The following TUBGCP3 variants were observed in gnomAD, a reference collection of about 807,000 sequenced individuals.
TUBGCP3 encodes tubulin gamma complex component 3.
A neutral mutation model predicts 123.1 loss-of-function variants in TUBGCP3; 50 were observed. That is an observed-to-expected ratio of 0.41 (90% CI 0.32 to 0.51). TUBGCP3 has a LOEUF of 0.51. TUBGCP3 is among the 20% of genes least tolerant of loss of function. The probability of loss-of-function intolerance (pLI) is 0.36; values close to 1 mark genes in which losing one functional copy is unlikely to be tolerated. For synonymous variants in TUBGCP3, 405 were observed against 413.9 expected (o/e 0.98, Z 0.26); for missense variants, 882 against 1,127.0 (o/e 0.78, Z 3.11).
At chr13:112,578,558 C>CAA (rs71131496) in intron 1 of TUBGCP3, among the ~76,000 whole-genome samples, 718 of 24,860 alleles carry the variant, frequency 0.029, 131 homozygotes, top group Middle Eastern at 0.091. Flanking sequence ...GACTCCGTCT[C>CAA]AAAAAAAAAA....
upstream of TUBGCP3, among the ~76,000 whole-genome samples, chr13:112,591,857 C>T (rs1184874907): frequency 6.6e-6 from 1 of 152,236 alleles, no homozygotes; most frequent in Non-Finnish European, 1.5e-5. Flanking sequence ...ATAACACAAA[C>T]TTGGGATGGT....
At chr13:112,602,212 A>G in the TUBGCP3 span, among the ~76,000 whole-genome samples, 1 of 151,948 alleles carries the variant, frequency 6.6e-6, no homozygotes. Flanking sequence ...ATTTTAATAC[A>G]CTCTCCAGTG....
In TUBGCP3 at chr13:112,527,175, T is replaced by G. The variant is rs1877204357; in HGVS notation, c.1447-125A>C. 4.6e-6 allele frequency: 4 copies of G among 860,608 alleles called. No individual in the cohort carries two copies. The Admixed American group carries it at 9.6e-5, about 21-fold the overall frequency. The allele number at this position is 860,608 out of a possible 1,614,324, so 53.3% of individuals were successfully genotyped here. A position where few individuals can be genotyped will look rare whatever the true frequency, so the allele number is the denominator to read the frequency against. The stretch of plus-strand genomic sequence containing the variant: ...ACTAACAAGAGCATCTGCTACAGTA[T>G]GGAGCGAATTCTAGTAACTCAAAGA... On this transcript the variant is annotated intron_variant, in intron 12 of 21. Transcript: ENST00000261965.
rs144456959 is a variant in TUBGCP3, at chr13:112,513,019, G to A, written c.2086+3421C>T. On this transcript the variant is annotated intron_variant, in intron 17 of 21. Transcript: ENST00000261965. ...TTTTCCCTCAAGAACATAAGAGATC[G>A]ATTTTATTTCTAATAAAGACCAAAA... Among the ~76,000 whole-genome samples, 69 of 152,140 alleles carry A rather than the reference G, an allele frequency of 4.5e-4. 1 individual carries two copies. The East Asian group carries it at 0.012, about 27-fold the overall frequency.
At chr13:112,575,356 G>A (rs1337263307) in intron 1 of TUBGCP3, among the ~76,000 whole-genome samples, 3 of 152,140 alleles carry the variant, frequency 2.0e-5, no homozygotes, top group Admixed American at 6.5e-5. Context: ...AATTAACAAG[G>A]ATAAAGTAGG....
Position 112,519,856 on chromosome 13 carries a change from C to T in TUBGCP3, c.1881+30G>A, listed in dbSNP as rs372981247. The stretch of plus-strand genomic sequence containing the variant: ...GCCCAGTGGGTCCTCGGTGCCGGGG[C>T]GGCGTTCCCAACACGCAGAGCCGCA... On this transcript the variant is annotated intron_variant, in intron 15 of 21. Transcript: ENST00000261965. The surrounding 1 kb of genome is among the most constrained non-coding windows in gnomAD (Gnocchi z 6.2). 258 of 1,603,386 alleles carry T rather than the reference C, an allele frequency of 1.6e-4. 2 individuals carry two copies. In the South Asian group the frequency reaches 2.7e-3, roughly 17 times the overall value.
chr13:112,511,612 T>A lies in TUBGCP3; in HGVS notation c.2086+4828A>T, dbSNP rs9604335. 0.17 allele frequency among the ~76,000 whole-genome samples: 26,457 copies of A among 151,906 alleles called. 2,459 individuals carry two copies. The highest frequency in any genetic ancestry group is 0.22 in the Middle Eastern group (65 of 292). On this transcript the variant is annotated intron_variant, in intron 17 of 21. Transcript: ENST00000261965. The surrounding 1 kb of genome is among the most constrained non-coding windows in gnomAD (Gnocchi z 4.1). ...GCAGCTCCACAGACTTTAAGACACATTGAGAACATGAAAGCAATGTGTATC... is the reference window on the plus strand; with the variant it reads ...GCAGCTCCACAGACTTTAAGACACAATGAGAACATGAAAGCAATGTGTATC...
chr13:112,595,682 C>T, the TUBGCP3 span, among the ~76,000 whole-genome samples: 1 of 151,650 alleles, frequency 6.6e-6, no homozygotes, highest in Admixed American at 6.6e-5. Context: ...TTTTTTTCCC[C>T]TTTCATTCTA....
the TUBGCP3 span, chr13:112,604,600 A>G: frequency 6.6e-6 from 1 of 152,312 alleles, no homozygotes; most frequent in Admixed American, 6.5e-5. Flanking sequence ...GCCTGGCCCA[A>G]ATTTATTTTT....
chr13:112,490,973 T>C (rs1880050192), intron 20 of TUBGCP3, among the ~76,000 whole-genome samples: 1 of 152,254 alleles, frequency 6.6e-6, no homozygotes, highest in Admixed American at 6.5e-5. Flanking sequence ...CAAGTAGATT[T>C]TTTTCCACAG....
chr13:112,549,109 G>C (rs372457420), intron 8 of TUBGCP3, among the ~76,000 whole-genome samples: 1 of 152,154 alleles, frequency 6.6e-6, no homozygotes. Context: ...TGATAGACTG[G>C]ATTAAGAAAA....
intron 3 of TUBGCP3, among the ~76,000 whole-genome samples, chr13:112,562,446 T>G (rs2317444): frequency 0.16 from 24,011 of 152,172 alleles, 2,156 homozygotes; most frequent in East Asian, 0.21. Flanking sequence ...GGAGCTGTGG[T>G]CACAGCTACG....
At chr13:112,494,972 C>G (rs1380274410) in intron 20 of TUBGCP3, among the ~76,000 whole-genome samples, 2 of 152,208 alleles carry the variant, frequency 1.3e-5, no homozygotes, top group Admixed American at 6.5e-5. Flanking sequence ...GGTTATCAAT[C>G]CCTCGCCAAT....
chr13:112,487,077 G>GTA (rs1555335854), intron 21 of TUBGCP3, among the ~76,000 whole-genome samples: 51 of 148,510 alleles, frequency 3.4e-4, no homozygotes, highest in Admixed American at 3.1e-3. Context: ...GTGTGTGTGT[G>GTA]TGTGTCTGTG....
chr13:112,534,426 G>A (rs1024648683), intron 11 of TUBGCP3, among the ~76,000 whole-genome samples: 1 of 152,080 alleles, frequency 6.6e-6, no homozygotes, highest in South Asian at 2.1e-4. Context: ...AGGCGCCTGT[G>A]GTCCCAGCTA....
rs1878916502 is a variant in TUBGCP3, at chr13:112,545,572, A to G, written c.1335+127T>C. 9.5e-7 allele frequency: 1 copy of G among 1,047,936 alleles called. No individual in the cohort carries two copies. Among genetic ancestry groups the G allele is most frequent in the South Asian group, 1.5e-5 (1 of 67,938 alleles). 64.9% of individuals were successfully genotyped at this position (1,047,936 alleles called of 1,614,324 possible). On this transcript the variant is annotated intron_variant, in intron 11 of 21. Coordinates refer to ENST00000261965, the MANE Select transcript of TUBGCP3 (RefSeq NM_006322.6). The surrounding 1 kb of genome is among the most constrained non-coding windows in gnomAD (Gnocchi z 4.1). ...AGGCACTGTGTAAAATGTATATGGT[A>G]TTCAATGGAAGTGCAGTTGCATTCC...
At chr13:112,502,064 A>G (rs1474032061) in intron 19 of TUBGCP3, among the ~76,000 whole-genome samples, 1 of 152,208 alleles carries the variant, frequency 6.6e-6, no homozygotes, top group Admixed American at 6.5e-5. Flanking sequence ...ATTTTCTGAA[A>G]TGCATGAAAT....
At position 112,519,182 on chromosome 13, in the gene TUBGCP3, T is replaced by G. The variant is rs549618522; in HGVS notation, c.1882-139A>C. 4.0e-5 allele frequency: 27 copies of G among 679,082 alleles called. No individual in the cohort carries two copies. In the Admixed American group the frequency reaches 5.1e-4, roughly 13 times the overall value. 42.1% of individuals were successfully genotyped at this position (679,082 alleles called of 1,614,324 possible). ...GTTCTGAGTGCATCTTCTTGTTAAC[T>G]TCTACAACCTCACCAATTAGGCAAT... On this transcript the variant is annotated intron_variant, in intron 15 of 21. Transcript: ENST00000261965. This position sits in a 1 kb window ranked among gnomAD's most constrained non-coding sequence, Gnocchi z 6.2.
At chr13:112,502,038 C>A (rs752283098) in intron 19 of TUBGCP3, among the ~76,000 whole-genome samples, 1 of 152,134 alleles carries the variant, frequency 6.6e-6, no homozygotes, top group African/African-American at 2.4e-5. Context: ...TGGGTATAGT[C>A]CTCAGTAGTT....
Sources: gnomAD v4.1 joint callset for allele counts (sites outside exome capture counted in the v4.1 genomes callset) on GRCh38, gnomAD v4.1.1 for gene constraint, Gnocchi (gnomAD v3.1) non-coding constraint, MANE v1.5 for transcripts, NCBI Gene and HGNC (gene_info 2026-07-23, HGNC 2026-07-21) for gene names.